WWC1: variants seen among roughly 807,000 people sequenced by gnomAD.
WWC1 encodes the protein protein KIBRA.
In WWC1, 55 loss-of-function variants were observed where a neutral mutation model predicts 138.4. The ratio of observed to expected loss-of-function variants is 0.40; its 90% CI spans 0.32 to 0.50. The LOEUF (loss-of-function observed/expected upper bound fraction) is 0.50. Ranked by LOEUF, WWC1 falls within the 20% of genes least tolerant of loss-of-function variation. WWC1 has a pLI of 0.72. For synonymous variants in WWC1, 524 were observed against 564.9 expected (o/e 0.93, Z 1.03); for missense variants, 1,226 against 1,420.4 (o/e 0.86, Z 2.20).
At chr5:168,430,336 G>T (rs1175457918) in intron 14 of WWC1, 113 bp downstream of exon 14, 2 of 792,524 alleles carry the variant, frequency 2.5e-6, no homozygotes, top group Non-Finnish European at 4.1e-6. Context: ...AAGGCACTGT[G>T]GGTTTGTACT....
At chr5:168,442,140 T>C (rs1202068922) in intron 16 of WWC1, among the ~76,000 whole-genome samples, 2 of 152,290 alleles carry the variant, frequency 1.3e-5, no homozygotes, top group African/African-American at 2.4e-5. Flanking sequence ...GGTAAAAAAC[T>C]GTGGAAGGAA....
intron 15 of WWC1, among the ~76,000 whole-genome samples, chr5:168,439,467 A>C (rs1339050743): frequency 1.8e-4 from 15 of 84,628 alleles, no homozygotes; most frequent in African/African-American, 1.2e-3. Flanking sequence ...TCTACTAAAA[A>C]TACAAAAAAA....
intron 9 of WWC1, 45 bp downstream of exon 9, chr5:168,414,635 C>T: frequency 6.6e-7 from 1 of 1,512,250 alleles, no homozygotes; most frequent in Non-Finnish European, 8.9e-7. Context: ...CTCTCACTGG[C>T]AGTCTGTCCT....
At chr5:168,455,221 A>C (rs1294180729) in intron 18 of WWC1, 135 bp from the exon 19 acceptor site, 1 of 1,151,536 alleles carries the variant, frequency 8.7e-7, no homozygotes. Flanking sequence ...AGCAGGGCTA[A>C]TGCCAAGGAA....
rs144168382 is a variant in WWC1 at position 168,354,611 on chromosome 5, T to C, written c.120-16813T>C. Among the ~76,000 whole-genome samples the C allele has an allele frequency of 1.8e-4, 28 of 152,322 alleles. No individual in the cohort carries two copies. In the East Asian group the frequency reaches 5.4e-3, roughly 29 times the overall value. Reference sequence around the variant, plus strand: ...GCCTGCAGTTTATAAGACCTTTGAATGTTTGTCATGGACCCAATTCCCGGG... The same window carrying C: ...GCCTGCAGTTTATAAGACCTTTGAACGTTTGTCATGGACCCAATTCCCGGG... On this transcript the variant is annotated intron_variant, in intron 1 of 22. Transcript: ENST00000265293.
intron 9 of WWC1, among the ~76,000 whole-genome samples, chr5:168,420,541 T>G (rs1781010563): frequency 6.6e-6 from 1 of 152,174 alleles, no homozygotes; most frequent in Non-Finnish European, 1.5e-5. Context: ...GGTAATCTCA[T>G]TCAGGTGGTG....
intron 14 of WWC1, 58 bp downstream of exon 14, chr5:168,430,281 G>A: frequency 6.8e-7 from 1 of 1,481,250 alleles, no homozygotes; most frequent in Non-Finnish European, 9.3e-7. Flanking sequence ...GTTACCCCTG[G>A]GGGTCACTTT....
At chr5:168,346,695 C>G (rs894821303) in intron 1 of WWC1, among the ~76,000 whole-genome samples, 2 of 152,176 alleles carry the variant, frequency 1.3e-5, no homozygotes, top group African/African-American at 2.4e-5. Flanking sequence ...AAGTAAAAGC[C>G]GGGACCTCCC....
intron 16 of WWC1, among the ~76,000 whole-genome samples, chr5:168,442,585 C>T (rs13361480): frequency 0.059 from 8,902 of 151,650 alleles, 417 homozygotes; most frequent in East Asian, 0.16. Context: ...GCCTGTAATC[C>T]CAGCACTTTG....
Position 168,423,995 on chromosome 5 carries a change from G to A in WWC1, c.1737G>A (p.Leu579=). 1.2e-6 allele frequency: 2 copies of A among 1,614,084 alleles called. No individual in the cohort carries two copies. Among genetic ancestry groups the A allele is most frequent in the Non-Finnish European group, 8.5e-7 (1 of 1,180,006 alleles). The part of the protein sequence containing the change: ...DPELSATLCE[L]SLGNSAQERY... ...AGCTGAGTGCCACTCTTTGTGAACT[G>A]AGCCTTGGTAACAGCGCCCAGGAAA... The change falls in exon 11 of 23, where the codon CTG becomes CTA. Residue 579 remains leucine (L), a synonymous_variant. Transcript: ENST00000265293.
intron 17 of WWC1, among the ~76,000 whole-genome samples, chr5:168,451,776 C>A (rs930811963): frequency 6.6e-6 from 1 of 152,098 alleles, no homozygotes; most frequent in Non-Finnish European, 1.5e-5. Context: ...AGTACACACC[C>A]AGTAGTAGAG....
In WWC1 at chr5:168,469,021, C is replaced by T. The variant is rs889839834; in HGVS notation, c.*4C>T. On this transcript the variant is annotated 3_prime_UTR_variant, in exon 23 of 23. Transcript: ENST00000265293. ...TCTCTCTGCAGATGACGTCTAATCG[C>T]CAGAAAAGTATTTCCTTTGTTCCAC... is the stretch of plus-strand genomic sequence containing the variant. 24 of 1,614,194 alleles carry T rather than the reference C, an allele frequency of 1.5e-5. No homozygotes were observed. The highest frequency in any genetic ancestry group is 2.0e-5 in the Non-Finnish European group (24 of 1,180,020).
chr5:168,399,508 G>C lies in WWC1; in HGVS notation c.531G>C (p.Glu177Asp). Residue 177 changes from glutamate to aspartate, a missense_variant, in exon 5 of 23, where the codon GAG (glutamate) becomes GAC (aspartate). Transcript: ENST00000265293. ...AKSRVNKLKR[E>D]MVHLQHELQF... Reference sequence around the variant, plus strand: ...TCCAGGTCAACAAGCTGAAGAGAGAGATGGTTCACCTCCAGCACGAGCTGC... The same window carrying C: ...TCCAGGTCAACAAGCTGAAGAGAGACATGGTTCACCTCCAGCACGAGCTGC... 1 of 1,614,194 alleles carries C rather than the reference G, an allele frequency of 6.2e-7. No homozygotes were observed. The highest frequency in any genetic ancestry group is 1.1e-5 in the South Asian group (1 of 91,074).
At chr5:168,358,128 T>C (rs1284863204) in intron 1 of WWC1, among the ~76,000 whole-genome samples, 3 of 152,184 alleles carry the variant, frequency 2.0e-5, no homozygotes, top group Non-Finnish European at 4.4e-5. Context: ...GGAACAGGTC[T>C]CAGGAAGGCC....
At chr5:168,306,294 G>T (rs1007860119) in intron 1 of WWC1, among the ~76,000 whole-genome samples, 1 of 152,172 alleles carries the variant, frequency 6.6e-6, no homozygotes, top group African/African-American at 2.4e-5. Context: ...TACTCGGGAG[G>T]CTGAGGCAGG....
chr5:168,359,087 A>G (rs1430045888), intron 1 of WWC1, among the ~76,000 whole-genome samples: 1 of 147,326 alleles, frequency 6.8e-6, no homozygotes, highest in Non-Finnish European at 1.5e-5. Flanking sequence ...ACAGACTCTC[A>G]CTCTGTCACC....
chr5:168,358,860 A>C (rs1228671630), intron 1 of WWC1, among the ~76,000 whole-genome samples: 1 of 152,074 alleles, frequency 6.6e-6, no homozygotes, highest in East Asian at 1.9e-4. Flanking sequence ...TCAGTATAAC[A>C]AACCTTATCT....
chr5:168,460,309 T>C (rs13359192), intron 19 of WWC1, among the ~76,000 whole-genome samples: 57,299 of 152,074 alleles, frequency 0.38, 11,684 homozygotes, highest in Middle Eastern at 0.52. Context: ...AGCTCGCCAA[T>C]CTTGGGCCAG....
At chr5:168,406,138 T>G in intron 5 of WWC1, 60 bp from the exon 6 acceptor site, 1 of 1,593,628 alleles carries the variant, frequency 6.3e-7, no homozygotes, top group Non-Finnish European at 8.6e-7. Context: ...GCTTTTCCCC[T>G]GGGGAGACCC....
Sources: gnomAD v4.1 joint callset for allele counts (sites outside exome capture counted in the v4.1 genomes callset) on GRCh38, gnomAD v4.1.1 for gene constraint, MANE v1.5 for transcripts, NCBI Gene and HGNC (gene_info 2026-07-23, HGNC 2026-07-21) for gene names.